The following SPRY4 variants were observed in gnomAD, a reference collection of about 807,000 sequenced individuals.
The protein encoded by SPRY4 is sprouty RTK signaling antagonist 4, also known as protein sprouty homolog 4.
A neutral mutation model predicts 17.0 loss-of-function variants in SPRY4; 7 were observed. That is an observed-to-expected ratio of 0.41 (90% CI 0.23 to 0.77). The LOEUF (loss-of-function observed/expected upper bound fraction) is 0.77. Among genes scored for constraint, SPRY4 ranks in the 30% least tolerant of loss-of-function variants. The probability of loss-of-function intolerance (pLI) is 0.32; values close to 1 mark genes in which losing one functional copy is unlikely to be tolerated. For missense variants in SPRY4, 435 were observed against 419.9 expected (o/e 1.04, Z -0.31); for synonymous variants, 183 against 174.1 (o/e 1.05, Z -0.40).
In SPRY4 at chr5:142,314,436, A is replaced by T. The variant is rs1370284804; in HGVS notation, c.673T>A (p.Ser225Thr). 6.2e-7 allele frequency: 1 copy of T among 1,614,076 alleles called. No homozygotes were observed. The highest frequency in any genetic ancestry group is 1.7e-5 in the Admixed American group (1 of 60,006). ...GCGCAGCAGTTGGAGCGGGAGCAGG[A>T]GCAGGGGTGGTCAGCGCAGGAGCCC... ...DEGSCADHPC[S>T]CSRSNCCARW... The change falls in exon 2 of 2, where the codon TCC becomes ACC. Residue 225 changes from serine to threonine, a missense_variant. Ser to Thr is a moderately conservative substitution (Grantham distance 58, BLOSUM62 1). Transcript: ENST00000434127. This position sits in a 1 kb window ranked among gnomAD's most constrained non-coding sequence, Gnocchi z 4.8.
chr5:142,311,167 C>T lies in SPRY4; in HGVS notation c.*3042G>A, dbSNP rs1391171651. On this transcript the variant is annotated 3_prime_UTR_variant, in exon 2 of 2. Coordinates refer to ENST00000434127, the MANE Select transcript of SPRY4 (RefSeq NM_001127496.3). ...CAAAGGAAGGGATTGGTCTTCACCC[C>T]CTTCCTGCTCAGGAAAGCCTTAGTT... The T allele has an allele frequency of 2.7e-5, 4 of 146,474 alleles. No homozygotes were observed. Among genetic ancestry groups the T allele is most frequent in the African/African-American group, 5.1e-5 (2 of 39,458 alleles). 9.1% of individuals were successfully genotyped at this position (146,474 alleles called of 1,614,324 possible).
rs982299084 is a variant in SPRY4, at chr5:142,324,963, G to C, written c.-167C>G. On this transcript the variant is annotated 5_prime_UTR_variant, in exon 1 of 2. Coordinates refer to ENST00000434127, the MANE Select transcript of SPRY4 (RefSeq NM_001127496.3). Reference sequence around the variant, plus strand: ...CGGAGGAACCGGCAAGGCTCCCTGCGCTCCACAGCGCCAGCTCCGCGCTGT... The same window carrying C: ...CGGAGGAACCGGCAAGGCTCCCTGCCCTCCACAGCGCCAGCTCCGCGCTGT... The C allele has an allele frequency of 1.3e-5, 2 of 152,702 alleles. No individual in the cohort carries two copies. Among genetic ancestry groups the C allele is most frequent in the African/African-American group, 4.8e-5 (2 of 41,470 alleles). 9.5% of individuals were successfully genotyped at this position (152,702 alleles called of 1,614,324 possible).
At position 142,314,710 on chromosome 5, in the gene SPRY4, G is replaced by C; in HGVS notation, c.399C>G (p.Pro133=). The C allele has an allele frequency of 6.2e-7, 1 of 1,613,794 alleles. No homozygotes were observed. Among genetic ancestry groups the C allele is most frequent in the Non-Finnish European group, 8.5e-7 (1 of 1,179,746 alleles). ...QASPRAVRIQ[P]KVVHCQPLDL... ...CCAGCGGCTGGCAGTGGACCACCTTGGGCTGGATGCGCACAGCCCTTGGTG... is the reference window on the plus strand; with the variant it reads ...CCAGCGGCTGGCAGTGGACCACCTTCGGCTGGATGCGCACAGCCCTTGGTG... The change falls in exon 2 of 2, where the codon CCC becomes CCG. Residue 133 remains proline (P), a synonymous_variant. Transcript: ENST00000434127. This position sits in a 1 kb window ranked among gnomAD's most constrained non-coding sequence, Gnocchi z 4.8.
intron 1 of SPRY4, chr5:142,319,918 G>T: frequency 1.1e-6 from 1 of 894,590 alleles, no homozygotes; most frequent in Non-Finnish European, 1.6e-6. Flanking sequence ...GGGAAAACCT[G>T]ACAGTTGTAC....
Position 142,315,002 on chromosome 5 carries a change from G to GTC in SPRY4, c.106_107insGA (p.Thr36ArgfsTer9). On this transcript the variant is annotated frameshift_variant, in exon 2 of 2. Coordinates refer to ENST00000434127, the MANE Select transcript of SPRY4 (RefSeq NM_001127496.3). LOFTEE classifies it high-confidence loss of function. ...CTTCACCTGGTCAATGGGTAGGATGGTGAGTGGGTGCTGGAGCCGGCTGTG... is the reference window on the plus strand; with the variant it reads ...CTTCACCTGGTCAATGGGTAGGATGGTCTGAGTGGGTGCTGGAGCCGGCTGTG... 1 of 1,613,948 alleles carries GTC rather than the reference G, an allele frequency of 6.2e-7. No homozygotes were observed. The highest frequency in any genetic ancestry group is 8.5e-7 in the Non-Finnish European group (1 of 1,180,022).
At chr5:142,323,281 C>T (rs1303782874) in intron 1 of SPRY4, among the ~76,000 whole-genome samples, 2 of 150,360 alleles carry the variant, frequency 1.3e-5, no homozygotes, top group Non-Finnish European at 1.5e-5. Context: ...CAGCTACAGA[C>T]ACAGACGAGT....
Position 142,315,140 on chromosome 5 carries a change from C to A in SPRY4, c.-32G>T. The A allele has an allele frequency of 6.3e-7, 1 of 1,589,526 alleles. No homozygotes were observed. On this transcript the variant is annotated 5_prime_UTR_variant, in exon 2 of 2. Transcript: ENST00000434127. ...GGAGGTCCTGGACTGTACGGAGAAA[C>A]AGGCTTCTAGGGGCCCTGGGGGTGG...
At position 142,315,048 on chromosome 5, in the gene SPRY4, G is replaced by T; in HGVS notation, c.61C>A (p.Leu21Ile). The change falls in exon 2 of 2, where the codon CTT (leucine) becomes ATT (isoleucine). Residue 21 changes from leucine (L) to isoleucine (I), a missense_variant. Coordinates refer to ENST00000434127, the MANE Select transcript of SPRY4 (RefSeq NM_001127496.3). ...LTPNSVMVQP[L>I]LDSRMSHSRL... ...CTGTGGGACATCCGGCTGTCAAGAA[G>T]GGGCTGGACCATGACTGAGTTGGGA... 6.2e-7 allele frequency: 1 copy of T among 1,613,720 alleles called. No individual in the cohort carries two copies. Among genetic ancestry groups the T allele is most frequent in the African/African-American group, 1.3e-5 (1 of 75,024 alleles).
chr5:142,316,809 C>T (rs1381300933), intron 1 of SPRY4, among the ~76,000 whole-genome samples: 1 of 152,164 alleles, frequency 6.6e-6, no homozygotes, highest in Non-Finnish European at 1.5e-5. Context: ...CTGCTAAATC[C>T]AAAAAGCATC....
At chr5:142,322,309 A>T (rs1759369433) in intron 1 of SPRY4, among the ~76,000 whole-genome samples, 1 of 151,988 alleles carries the variant, frequency 6.6e-6, no homozygotes, top group Admixed American at 6.6e-5. Context: ...TGTCTCTACT[A>T]AAAATACAAA....
intron 1 of SPRY4, among the ~76,000 whole-genome samples, chr5:142,323,284 A>G (rs772279932): frequency 1.3e-5 from 2 of 151,906 alleles, no homozygotes; most frequent in African/African-American, 4.8e-5. Context: ...CTACAGACAC[A>G]GACGAGTGCT....
chr5:142,318,982 G>C (rs1759253593), intron 1 of SPRY4, among the ~76,000 whole-genome samples: 1 of 152,142 alleles, frequency 6.6e-6, no homozygotes, highest in African/African-American at 2.4e-5. Flanking sequence ...CATACTTCAA[G>C]AGAGAACCCA....
At position 142,314,042 on chromosome 5, in the gene SPRY4, G is replaced by A. The variant is rs1759029408; in HGVS notation, c.*167C>T. 2 of 694,698 alleles carry A rather than the reference G, an allele frequency of 2.9e-6. No individual in the cohort carries two copies. The highest frequency in any genetic ancestry group is 4.7e-6 in the Non-Finnish European group (2 of 425,188). 43.0% of individuals were successfully genotyped at this position (694,698 alleles called of 1,614,324 possible). A position where few individuals can be genotyped will look rare whatever the true frequency, so the allele number is the denominator to read the frequency against. ...CTTCTTCATCACCTTGGGGAATACA[G>A]GGTACGTGGTGGTGGTCTCTGTATT... On this transcript the variant is annotated 3_prime_UTR_variant, in exon 2 of 2. Coordinates refer to ENST00000434127, the MANE Select transcript of SPRY4 (RefSeq NM_001127496.3). The surrounding 1 kb of genome is among the most constrained non-coding windows in gnomAD (Gnocchi z 4.8).
chr5:142,319,855 C>T (rs1759287330), intron 1 of SPRY4: 2 of 1,481,028 alleles, frequency 1.4e-6, no homozygotes, highest in East Asian at 2.3e-5. Flanking sequence ...CCTAATCCCA[C>T]CCACCCACAC....
chr5:142,322,969 A>G (rs1311051305), intron 1 of SPRY4, among the ~76,000 whole-genome samples: 2 of 151,896 alleles, frequency 1.3e-5, no homozygotes, highest in Non-Finnish European at 2.9e-5. Flanking sequence ...CTTCTGGGAG[A>G]CAGAGAGGGA....
chr5:142,311,996 C>T lies in SPRY4; in HGVS notation c.*2213G>A, dbSNP rs577334463. On this transcript the variant is annotated 3_prime_UTR_variant, in exon 2 of 2. Transcript: ENST00000434127. The stretch of plus-strand genomic sequence containing the variant: ...TTATGTAAATCGACTCTCCACAGAA[C>T]GGGTGTGTAGACCACCAAGATCACC... The T allele has an allele frequency of 5.9e-4, 85 of 144,810 alleles. No homozygotes were observed. The highest frequency in any genetic ancestry group is 2.0e-3 in the African/African-American group (80 of 39,060). The allele number at this position is 144,810 out of a possible 1,614,324, so 9.0% of individuals were successfully genotyped here.
rs760904029 is a variant in SPRY4, at chr5:142,314,890, C to A, written c.219G>T (p.Glu73Asp). ...CACAGCGGGCGGGCGTCGGGGCCAG[C>A]TCTGGGGCCCCGCCCCGGGTCCGCT... ...GPKRTRGGAPELAPTPARCDQ... is the reference protein window; with the variant it reads ...GPKRTRGGAPDLAPTPARCDQ... Residue 73 changes from glutamate to aspartate, a missense_variant, in exon 2 of 2, where the codon GAG becomes GAT. Coordinates refer to ENST00000434127, the MANE Select transcript of SPRY4 (RefSeq NM_001127496.3). The surrounding 1 kb of genome is among the most constrained non-coding windows in gnomAD (Gnocchi z 4.8). 1.2e-6 allele frequency: 2 copies of A among 1,605,062 alleles called. No individual in the cohort carries two copies. Among genetic ancestry groups the A allele is most frequent in the Non-Finnish European group, 1.7e-6 (2 of 1,173,868 alleles).
Position 142,314,360 on chromosome 5 carries a change from CAG to C in SPRY4, c.747_748del (p.Cys250LeufsTer70). The C allele has an allele frequency of 6.2e-7, 1 of 1,614,050 alleles. No homozygotes were observed. Among genetic ancestry groups the C allele is most frequent in the Non-Finnish European group, 8.5e-7 (1 of 1,179,990 alleles). On this transcript the variant is annotated frameshift_variant, in exon 2 of 2. Transcript: ENST00000434127. LOFTEE classifies it high-confidence loss of function. This position sits in a 1 kb window ranked among gnomAD's most constrained non-coding sequence, Gnocchi z 4.8. ...CACGCAGCCGGTGGCAGGCAGGTAG[CAG>C]AGCAGGCAGGGCAGCACCACGGAGA...
intron 1 of SPRY4, 118 bp from the exon 2 acceptor site, chr5:142,315,273 A>G (rs1759113142): frequency 1.5e-6 from 1 of 647,032 alleles, no homozygotes; most frequent in Admixed American, 2.9e-5. Flanking sequence ...TAGGAACTAA[A>G]ATCCCTCTGT....
Sources: gnomAD v4.1 joint callset for allele counts (sites outside exome capture counted in the v4.1 genomes callset) on GRCh38, gnomAD v4.1.1 for gene constraint, Gnocchi (gnomAD v3.1) non-coding constraint, MANE v1.5 for transcripts, NCBI Gene and HGNC (gene_info 2026-07-23, HGNC 2026-07-21) for gene names.